PRELID2: variants seen among roughly 807,000 people sequenced by gnomAD.
PRELID2 encodes PRELI domain-containing protein 2.
Under a neutral mutation model 28.4 loss-of-function variants are expected in PRELID2, and 25 were observed. The observed-to-expected ratio is 0.88, with a 90% CI of 0.64 to 1.23. PRELID2 has a LOEUF of 1.23. Ranked by LOEUF, PRELID2 falls within the 50% of genes most tolerant of loss-of-function variation. PRELID2 has a pLI of 0.00. For missense variants in PRELID2, 201 were observed against 214.4 expected (o/e 0.94, Z 0.39); for synonymous variants, 76 against 71.6 (o/e 1.06, Z -0.31).
chr5:145,541,613 T>A (rs976088160), intron 1 of PRELID2, among the ~76,000 whole-genome samples: 1 of 152,052 alleles, frequency 6.6e-6, no homozygotes, highest in African/African-American at 2.4e-5. Context: ...GCTAAGTATA[T>A]CCCACATATG....
At chr5:145,581,769 G>C (rs535831462) in intron 1 of PRELID2, among the ~76,000 whole-genome samples, 1 of 152,150 alleles carries the variant, frequency 6.6e-6, no homozygotes, top group Admixed American at 6.6e-5. Context: ...GGAAACCTGA[G>C]TGCATCACCT....
chr5:145,432,797 C>T, the PRELID2 span, among the ~76,000 whole-genome samples: 1 of 152,286 alleles, frequency 6.6e-6, no homozygotes, highest in East Asian at 1.9e-4. Context: ...TTTCTGCCTG[C>T]TGAGATAAAC....
At chr5:145,709,150 G>A (rs919729) in intron 1 of PRELID2, among the ~76,000 whole-genome samples, 18,791 of 152,048 alleles carry the variant, frequency 0.12, 1,247 homozygotes, top group African/African-American at 0.17. Flanking sequence ...TTCCTGGACC[G>A]CCTACCAAAC....
the PRELID2 span, among the ~76,000 whole-genome samples, chr5:145,449,946 C>G: frequency 1.3e-5 from 2 of 152,116 alleles, no homozygotes; most frequent in African/African-American, 4.8e-5. Context: ...AAATTTTTGA[C>G]ACTGTTCTGC....
At chr5:145,741,758 T>G (rs1756789895) in intron 1 of PRELID2, among the ~76,000 whole-genome samples, 1 of 97,242 alleles carries the variant, frequency 1.0e-5, no homozygotes, top group Non-Finnish European at 2.0e-5. Flanking sequence ...ATATATTAAT[T>G]TATTTATATA....
intron 1 of PRELID2, among the ~76,000 whole-genome samples, chr5:145,740,890 A>T (rs1756685814): frequency 9.7e-6 from 1 of 103,398 alleles, no homozygotes; most frequent in Non-Finnish European, 1.8e-5. Flanking sequence ...ATGTACATAT[A>T]TTTATCGATA....
At chr5:145,431,020 T>G in the PRELID2 span, among the ~76,000 whole-genome samples, 1 of 145,608 alleles carries the variant, frequency 6.9e-6, no homozygotes, top group African/African-American at 2.6e-5. Flanking sequence ...TTTTTTTTTT[T>G]TTTTTTTTTT....
chr5:145,632,362 T>G (rs923334717), intron 1 of PRELID2, among the ~76,000 whole-genome samples: 2 of 152,220 alleles, frequency 1.3e-5, no homozygotes, highest in Non-Finnish European at 2.9e-5. Flanking sequence ...ACAAAAATTA[T>G]AAATCACTTA....
chr5:145,703,655 C>A (rs1755469605), intron 1 of PRELID2, among the ~76,000 whole-genome samples: 1 of 152,116 alleles, frequency 6.6e-6, no homozygotes, highest in Non-Finnish European at 1.5e-5. Flanking sequence ...ACAGTCTAAT[C>A]CTTGAACTTT....
the PRELID2 span, among the ~76,000 whole-genome samples, chr5:145,299,437 T>A: frequency 2.6e-5 from 4 of 152,188 alleles, no homozygotes; most frequent in African/African-American, 9.7e-5. Context: ...CAGGGGAATT[T>A]TGCAATGTAT....
intron 1 of PRELID2, among the ~76,000 whole-genome samples, chr5:145,608,457 C>T (rs1228026279): frequency 6.6e-6 from 1 of 152,138 alleles, no homozygotes; most frequent in Non-Finnish European, 1.5e-5. Flanking sequence ...ATTCTCTTAG[C>T]ATTTGCTTGT....
intron 1 of PRELID2, among the ~76,000 whole-genome samples, chr5:145,574,035 A>G (rs972935639): frequency 1.3e-5 from 2 of 152,230 alleles, no homozygotes; most frequent in Non-Finnish European, 2.9e-5. Context: ...AATGTTATTA[A>G]TCAGCTGACC....
At chr5:145,295,226 A>C in the PRELID2 span, among the ~76,000 whole-genome samples, 57 of 152,320 alleles carry the variant, frequency 3.7e-4, no homozygotes, top group Non-Finnish European at 6.8e-4. Flanking sequence ...CTGCAAAAAA[A>C]TTGATTTCTA....
intron 4 of PRELID2, among the ~76,000 whole-genome samples, chr5:145,807,011 T>C (rs1341091805): frequency 1.3e-5 from 2 of 152,210 alleles, no homozygotes. Context: ...AAGTATTATG[T>C]ACTAATACAT....
At chr5:145,693,370 A>G (rs1051538993) in intron 1 of PRELID2, among the ~76,000 whole-genome samples, 44 of 151,582 alleles carry the variant, frequency 2.9e-4, no homozygotes, top group Admixed American at 7.9e-4. Flanking sequence ...CTGGTCTCAA[A>G]CTCCTGAGCT....
the PRELID2 span, among the ~76,000 whole-genome samples, chr5:145,446,614 C>T: frequency 6.6e-6 from 1 of 152,088 alleles, no homozygotes; most frequent in African/African-American, 2.4e-5. Flanking sequence ...TGGCAATTTG[C>T]CAATCGATCG....
chr5:145,519,749 G>A (rs918443212), intron 1 of PRELID2, among the ~76,000 whole-genome samples: 1 of 152,160 alleles, frequency 6.6e-6, no homozygotes, highest in African/African-American at 2.4e-5. Context: ...ATGATGTGGA[G>A]ACCAGCAGAC....
rs191785631 is a variant in PRELID2, at chr5:145,764,958, C to T, written c.517G>A (p.Ala173Thr). The T allele has an allele frequency of 1.2e-6, 2 of 1,612,200 alleles. No individual in the cohort carries two copies. The highest frequency in any genetic ancestry group is 2.2e-5 in the East Asian group (1 of 44,822). The part of the protein sequence containing the change: ...MEMLLKEQCG[A>T]PLAE Reference sequence around the variant, plus strand: ...ATGATTCTTTATTCAGCTAAGGGGGCACCACACTGTTCCTTTAGCAGCATC... The same window carrying T: ...ATGATTCTTTATTCAGCTAAGGGGGTACCACACTGTTCCTTTAGCAGCATC... The change falls in exon 6 of 7, where the codon GCC (alanine) becomes ACC (threonine). Residue 173 changes from alanine (A) to threonine (T), a missense_variant. Transcript: ENST00000683046.
At chr5:145,637,027 C>A (rs550986284) in intron 1 of PRELID2, among the ~76,000 whole-genome samples, 3 of 152,180 alleles carry the variant, frequency 2.0e-5, no homozygotes, top group South Asian at 2.1e-4. Context: ...GAATAGACAT[C>A]CATCATTTAT....
Sources: gnomAD v4.1 joint callset for allele counts (sites outside exome capture counted in the v4.1 genomes callset) on GRCh38, gnomAD v4.1.1 for gene constraint, MANE v1.5 for transcripts, NCBI Gene and HGNC (gene_info 2026-07-23, HGNC 2026-07-21) for gene names.